KCNQ3: variants seen among roughly 807,000 people sequenced by gnomAD.
KCNQ3 encodes the protein potassium voltage-gated channel subfamily KQT member 3.
Under a neutral mutation model 92.5 loss-of-function variants are expected in KCNQ3, and 30 were observed. That is an observed-to-expected ratio of 0.32 (90% confidence interval 0.24 to 0.44). KCNQ3 has a LOEUF of 0.44. Ranked by LOEUF, KCNQ3 falls within the 20% of genes least tolerant of loss-of-function variation. KCNQ3 has a pLI of 1.00. For synonymous variants in KCNQ3, 450 were observed against 468.8 expected, an observed-to-expected ratio of 0.96 and a Z score of 0.52; for missense variants, 913 against 1,140.3, an observed-to-expected ratio of 0.80 and a Z score of 2.87.
chr8:132,165,957 C>T (rs1826131315), intron 8 of KCNQ3, among the ~76,000 whole-genome samples: 1 of 152,208 alleles, frequency 6.6e-6, no homozygotes, highest in East Asian at 1.9e-4. Flanking sequence ...TAGGAAATGA[C>T]TAGTGCATAT....
At chr8:132,327,370 C>T (rs1374641803) in intron 1 of KCNQ3, among the ~76,000 whole-genome samples, 3 of 152,180 alleles carry the variant, frequency 2.0e-5, no homozygotes, top group Non-Finnish European at 2.9e-5. Flanking sequence ...ATCATTATCC[C>T]TACTGTACAG....
chr8:132,451,518 A>AT (rs1217792547), intron 1 of KCNQ3, among the ~76,000 whole-genome samples: 10 of 152,298 alleles, frequency 6.6e-5, no homozygotes, highest in African/African-American at 2.4e-4. Context: ...CACAGCTTGC[A>AT]TTTTCCAGAA....
chr8:132,160,755 T>C (rs1825960319), intron 9 of KCNQ3, among the ~76,000 whole-genome samples: 2 of 152,066 alleles, frequency 1.3e-5, no homozygotes, highest in Admixed American at 6.5e-5. Context: ...ATTCTTACAA[T>C]GAGTGGGAGG....
At chr8:132,243,546 C>A (rs950635826) in intron 1 of KCNQ3, among the ~76,000 whole-genome samples, 1 of 152,176 alleles carries the variant, frequency 6.6e-6, no homozygotes, top group Non-Finnish European at 1.5e-5. Context: ...AAAGTTAATC[C>A]TTTTCTTATC....
intron 1 of KCNQ3, among the ~76,000 whole-genome samples, chr8:132,277,724 C>G (rs1816380576): frequency 6.6e-6 from 1 of 152,188 alleles, no homozygotes; most frequent in Admixed American, 6.5e-5. Flanking sequence ...AAAGTCCCTG[C>G]TGGCAGTCCC....
chr8:132,474,677 G>A (rs1029127592), intron 1 of KCNQ3, among the ~76,000 whole-genome samples: 7 of 152,088 alleles, frequency 4.6e-5, no homozygotes, highest in African/African-American at 1.7e-4. Context: ...TGCTTACTTA[G>A]TACCTACCAT....
At chr8:132,437,587 C>T (rs745402034) in intron 1 of KCNQ3, among the ~76,000 whole-genome samples, 1 of 152,204 alleles carries the variant, frequency 6.6e-6, no homozygotes, top group Non-Finnish European at 1.5e-5. Context: ...ATTTGCCATA[C>T]TCGTTTGGTG....
At chr8:132,231,590 A>G (rs998926936) in intron 1 of KCNQ3, among the ~76,000 whole-genome samples, 8 of 152,342 alleles carry the variant, frequency 5.3e-5, no homozygotes, top group Admixed American at 4.6e-4. Context: ...AAGAAAGGGT[A>G]TATGAGAACA....
Position 132,388,191 on chromosome 8 carries a change from T to C in KCNQ3, c.386+91956A>G, listed in dbSNP as rs569120288. Among the ~76,000 whole-genome samples, 7 of 152,344 alleles carry C rather than the reference T, an allele frequency of 4.6e-5. No individual in the cohort carries two copies. In the South Asian group the frequency reaches 8.3e-4, roughly 18 times the overall value. Reference sequence around the variant, plus strand: ...TCAAATGAGCCCAGATTTTTAAAAATGATCATGCAAAAGATTCTGGAAAAG... The same window carrying C: ...TCAAATGAGCCCAGATTTTTAAAAACGATCATGCAAAAGATTCTGGAAAAG... On this transcript the variant is annotated intron_variant, in intron 1 of 14. Coordinates refer to ENST00000388996, the MANE Select transcript of KCNQ3 (RefSeq NM_004519.4).
intron 4 of KCNQ3, 68 bp downstream of exon 4, chr8:132,180,089 G>A: frequency 6.5e-7 from 1 of 1,529,030 alleles, no homozygotes; most frequent in Non-Finnish European, 9.1e-7. Context: ...GCAAAGGAAG[G>A]GATGTCATGG....
chr8:132,306,078 CT>C (rs570307768), intron 1 of KCNQ3, among the ~76,000 whole-genome samples: 10 of 152,270 alleles, frequency 6.6e-5, no homozygotes, highest in Middle Eastern at 3.4e-3. Context: ...GGTTAGGCAA[CT>C]CGCCCAAGGC....
intron 9 of KCNQ3, among the ~76,000 whole-genome samples, chr8:132,155,544 G>A (rs1372887869): frequency 6.6e-6 from 1 of 152,160 alleles, no homozygotes; most frequent in Admixed American, 6.5e-5. Flanking sequence ...CTAGGAGATA[G>A]GTACCCTTAT....
chr8:132,141,069 G>T, intron 10 of KCNQ3, 60 bp downstream of exon 10: 3 of 1,474,448 alleles, frequency 2.0e-6, no homozygotes, highest in East Asian at 2.3e-5. Context: ...GGTGAGGAAG[G>T]AAGTGGACTT....
At chr8:132,153,989 G>A (rs1356841451) in intron 9 of KCNQ3, among the ~76,000 whole-genome samples, 2 of 150,384 alleles carry the variant, frequency 1.3e-5, no homozygotes, top group Non-Finnish European at 3.0e-5. Flanking sequence ...GGACGCCTTT[G>A]AAAAAAAATG....
chr8:132,397,529 G>T (rs1820223840), intron 1 of KCNQ3, among the ~76,000 whole-genome samples: 1 of 152,114 alleles, frequency 6.6e-6, no homozygotes, highest in African/African-American at 2.4e-5. Flanking sequence ...GTAAGTGCTG[G>T]GTACAAAGTA....
At chr8:132,191,381 C>T (rs927361343) in intron 1 of KCNQ3, among the ~76,000 whole-genome samples, 16 of 152,064 alleles carry the variant, frequency 1.1e-4, no homozygotes, top group South Asian at 4.2e-4. Flanking sequence ...TGGTCTTGAA[C>T]GCCTAGACTC....
At chr8:132,384,459 T>G (rs576864036) in intron 1 of KCNQ3, among the ~76,000 whole-genome samples, 17 of 152,312 alleles carry the variant, frequency 1.1e-4, no homozygotes, top group East Asian at 7.7e-4. Flanking sequence ...AAAGAGGTCA[T>G]GTACAATGGA....
intron 1 of KCNQ3, among the ~76,000 whole-genome samples, chr8:132,338,570 C>T (rs534346843): frequency 3.3e-5 from 5 of 152,240 alleles, no homozygotes; most frequent in African/African-American, 1.2e-4. Context: ...GATCATGGCT[C>T]TTTGGAAGCT....
At position 132,227,176 on chromosome 8, in the gene KCNQ3, G is replaced by A. The variant is rs137948602; in HGVS notation, c.387-40995C>T. ...CTCCCTGGTTCAACTGATTCTCCTGGCTCAGCCTCCCAGTAGCTGGGACTA... is the reference window on the plus strand; with the variant it reads ...CTCCCTGGTTCAACTGATTCTCCTGACTCAGCCTCCCAGTAGCTGGGACTA... On this transcript the variant is annotated intron_variant, in intron 1 of 14. Transcript: ENST00000388996. Among the ~76,000 whole-genome samples the A allele has an allele frequency of 9.4e-3, 1,426 of 151,044 alleles. 20 individuals are homozygous for A. The highest frequency in any genetic ancestry group is 0.031 in the African/African-American group (1,289 of 41,060).
Sources: gnomAD v4.1 joint callset for allele counts (sites outside exome capture counted in the v4.1 genomes callset) on GRCh38, gnomAD v4.1.1 for gene constraint, MANE v1.5 for transcripts, NCBI Gene and HGNC (gene_info 2026-07-23, HGNC 2026-07-21) for gene names.